PCDH15: variants seen among roughly 807,000 people sequenced by gnomAD.
The protein encoded by PCDH15 is protocadherin related 15.
A neutral mutation model predicts 178.5 loss-of-function variants in PCDH15; 129 were observed. The ratio of observed to expected loss-of-function variants is 0.72; its 90% CI spans 0.63 to 0.84. The LOEUF (loss-of-function observed/expected upper bound fraction) is 0.84. Ranked by LOEUF, PCDH15 falls within the 40% of genes least tolerant of loss-of-function variation. The pLI is 0.00. For synonymous variants in PCDH15, 800 were observed against 732.0 expected, an observed-to-expected ratio of 1.09 and a Z score of -1.50; for missense variants, 2,230 against 2,099.9, an observed-to-expected ratio of 1.06 and a Z score of -1.21.
At chr10:55,356,420 A>G (rs1417185342) in intron 2 of PCDH15, among the ~76,000 whole-genome samples, 5 of 151,832 alleles carry the variant, frequency 3.3e-5, no homozygotes, top group African/African-American at 1.2e-4. Flanking sequence ...CTTGCCACTG[A>G]GGAGCTAATA....
chr10:55,008,864 G>T (rs1839987667), intron 2 of PCDH15, among the ~76,000 whole-genome samples: 1 of 148,494 alleles, frequency 6.7e-6, no homozygotes, highest in African/African-American at 2.4e-5. Context: ...GGTTACTGCT[G>T]CCCATTCCTT....
At chr10:54,230,926 T>G (rs757673688) in intron 9 of PCDH15, among the ~76,000 whole-genome samples, 2 of 152,190 alleles carry the variant, frequency 1.3e-5, no homozygotes, top group African/African-American at 2.4e-5. Flanking sequence ...GTCAGCAGAC[T>G]TTCTTATATT....
Position 54,329,614 on chromosome 10 carries a change from A to C in PCDH15, c.687T>G (p.Phe229Leu). The C allele has an allele frequency of 6.3e-7, 1 of 1,597,228 alleles. No individual in the cohort carries two copies. The highest frequency in any genetic ancestry group is 8.6e-7 in the Non-Finnish European group (1 of 1,165,046). Reference sequence around the variant, plus strand: ...TACTCACATTAGCTTGGATTATGACAAAGTAGCGAGTCTTATCTTCATAGT... The same window carrying C: ...TACTCACATTAGCTTGGATTATGACCAAGTAGCGAGTCTTATCTTCATAGT... ...RLNYEDKTRYFVIIQANDRAQ... is the reference protein window; with the variant it reads ...RLNYEDKTRYLVIIQANDRAQ... The change falls in exon 7 of 38, where the codon TTT becomes TTG. Residue 229 changes from phenylalanine (F) to leucine (L), a missense_variant. Phe to Leu is a conservative substitution (Grantham distance 22, BLOSUM62 0). Transcript: ENST00000644397.
intron 28 of PCDH15, among the ~76,000 whole-genome samples, chr10:53,849,158 A>G (rs1564605146): frequency 1.3e-5 from 2 of 152,250 alleles, no homozygotes; most frequent in East Asian, 3.9e-4. Flanking sequence ...TAGAAAGAAT[A>G]TTGATTCTGA....
At chr10:54,536,732 T>C (rs2084572965) in intron 2 of PCDH15, among the ~76,000 whole-genome samples, 1 of 138,044 alleles carries the variant, frequency 7.2e-6, no homozygotes, top group Admixed American at 7.0e-5. Flanking sequence ...TACATATAAG[T>C]GAGAACATGA....
chr10:55,093,871 T>C (rs1197449265), intron 2 of PCDH15, among the ~76,000 whole-genome samples: 3 of 152,042 alleles, frequency 2.0e-5, no homozygotes, highest in African/African-American at 7.2e-5. Context: ...AGAATGGTGA[T>C]CATTAAAAAG....
chr10:54,357,190 G>C (rs1435885975), intron 5 of PCDH15, among the ~76,000 whole-genome samples: 1 of 152,032 alleles, frequency 6.6e-6, no homozygotes, highest in Non-Finnish European at 1.5e-5. Context: ...GAAATAAAGG[G>C]TATTCAATTA....
chr10:54,138,793 A>T (rs2133141777), intron 14 of PCDH15, among the ~76,000 whole-genome samples: 1 of 152,314 alleles, frequency 6.6e-6, no homozygotes, highest in Non-Finnish European at 1.5e-5. Context: ...TGGCTATGTA[A>T]ACCAGTGAGT....
At chr10:54,889,521 T>A (rs1954424139) in intron 3 of PCDH15, among the ~76,000 whole-genome samples, 1 of 98,242 alleles carries the variant, frequency 1.0e-5, no homozygotes, top group Non-Finnish European at 2.6e-5. Flanking sequence ...ATATATATGA[T>A]CTATATATAC....
chr10:54,505,938 G>A (rs189961192), intron 3 of PCDH15, among the ~76,000 whole-genome samples: 6 of 151,878 alleles, frequency 4.0e-5, no homozygotes, highest in African/African-American at 1.4e-4. Context: ...ATAGAGTAGC[G>A]ATATTATTTA....
intron 2 of PCDH15, among the ~76,000 whole-genome samples, chr10:55,560,119 A>G (rs533975856): frequency 6.6e-6 from 1 of 152,066 alleles, no homozygotes; most frequent in Admixed American, 6.6e-5. Context: ...TATCATTTGT[A>G]AAATGGCCTG....
intron 18 of PCDH15, among the ~76,000 whole-genome samples, chr10:54,025,994 T>C (rs942819130): frequency 2.0e-5 from 3 of 152,276 alleles, no homozygotes; most frequent in East Asian, 3.9e-4. Context: ...TTAACCTTGA[T>C]ATATGTGTGT....
At chr10:55,302,943 G>A (rs935270813) in intron 1 of PCDH15, among the ~76,000 whole-genome samples, 5 of 152,042 alleles carry the variant, frequency 3.3e-5, no homozygotes, top group Admixed American at 3.3e-4. Flanking sequence ...CAAAGACCTT[G>A]AGTGATCTTC....
chr10:55,018,559 G>A (rs1162154737), intron 2 of PCDH15, among the ~76,000 whole-genome samples: 1 of 151,986 alleles, frequency 6.6e-6, no homozygotes, highest in Non-Finnish European at 1.5e-5. Context: ...GTGGAACCCA[G>A]GGATACTGAG....
intron 8 of PCDH15, among the ~76,000 whole-genome samples, chr10:54,248,661 T>C (rs988372854): frequency 3.3e-5 from 5 of 152,074 alleles, no homozygotes; most frequent in African/African-American, 1.2e-4. Context: ...CAAGTTAATT[T>C]AGAAAATGTT....
intron 18 of PCDH15, among the ~76,000 whole-genome samples, chr10:54,046,674 G>A (rs10400020): frequency 0.06 from 9,065 of 152,110 alleles, 435 homozygotes; most frequent in South Asian, 0.15. Context: ...AAGCAATTGC[G>A]CCTGAGAAGG....
At chr10:54,645,472 C>T (rs1420473600) in intron 2 of PCDH15, among the ~76,000 whole-genome samples, 2 of 151,534 alleles carry the variant, frequency 1.3e-5, no homozygotes, top group Non-Finnish European at 1.5e-5. Flanking sequence ...AGAAAATAGA[C>T]AAAAAGTTGT....
chr10:55,119,419 C>G (rs1383842056), intron 2 of PCDH15, among the ~76,000 whole-genome samples: 2 of 150,690 alleles, frequency 1.3e-5, no homozygotes, highest in African/African-American at 4.9e-5. Context: ...TAAACTATTT[C>G]TACTAATTAT....
chr10:54,332,139 C>G (rs1939742976), intron 6 of PCDH15, among the ~76,000 whole-genome samples: 1 of 147,254 alleles, frequency 6.8e-6, no homozygotes, highest in African/African-American at 2.5e-5. Context: ...AGTTGCTGAG[C>G]AAATCTTGAT....
Sources: gnomAD v4.1 joint callset for allele counts (sites outside exome capture counted in the v4.1 genomes callset) on GRCh38, gnomAD v4.1.1 for gene constraint, MANE v1.5 for transcripts, NCBI Gene and HGNC (gene_info 2026-07-23, HGNC 2026-07-21) for gene names.